The following TFAP2E variants were observed in gnomAD, a reference collection of about 807,000 sequenced individuals.
The protein encoded by TFAP2E is transcription factor AP-2-epsilon.
Under a neutral mutation model 37.9 loss-of-function variants are expected in TFAP2E, and 30 were observed. The ratio of observed to expected loss-of-function variants is 0.79; its 90% CI spans 0.59 to 1.07. TFAP2E has a LOEUF of 1.07. Ranked by LOEUF, TFAP2E falls within the 50% of genes least tolerant of loss-of-function variation. TFAP2E has a pLI of 0.00. For synonymous variants in TFAP2E, 318 were observed against 295.8 expected (o/e 1.08, Z -0.77); for missense variants, 567 against 637.9 (o/e 0.89, Z 1.20).
rs1271995511 is a variant in TFAP2E, at chr1:35,577,623, G to A, written c.562+2623G>A. The A allele has an allele frequency of 1.5e-5, 5 of 343,870 alleles. No homozygotes were observed. The highest frequency in any genetic ancestry group is 2.3e-5 in the Non-Finnish European group (4 of 170,424). The allele number at this position is 343,870 out of a possible 1,614,324, so 21.3% of individuals were successfully genotyped here. On this transcript the variant is annotated intron_variant, in intron 3 of 6. Coordinates refer to ENST00000373235, the MANE Select transcript of TFAP2E (RefSeq NM_178548.4). This position sits in a 1 kb window ranked among gnomAD's most constrained non-coding sequence, Gnocchi z 6.3. Reference sequence around the variant, plus strand: ...TTGGTGCGAAAGGGAGGCAGCTGCAGCCTCAGCCCCACCCCAGAAGCGGCC... The same window carrying A: ...TTGGTGCGAAAGGGAGGCAGCTGCAACCTCAGCCCCACCCCAGAAGCGGCC...
Position 35,590,569 on chromosome 1 carries a change from G to A in TFAP2E, c.905-65G>A. The stretch of plus-strand genomic sequence containing the variant: ...GGATACCCCTGACCAGGGGGTCAGA[G>A]GTTCAAAGCTGTGTTCCAGGCGCAG... On this transcript the variant is annotated intron_variant, in intron 5 of 6. Transcript: ENST00000373235. The surrounding 1 kb of genome is among the most constrained non-coding windows in gnomAD (Gnocchi z 6.2). 7.1e-7 allele frequency: 1 copy of A among 1,403,140 alleles called. No individual in the cohort carries two copies. The highest frequency in any genetic ancestry group is 9.4e-7 in the Non-Finnish European group (1 of 1,068,990). 86.9% of individuals were successfully genotyped at this position (1,403,140 alleles called of 1,614,324 possible). A position where few individuals can be genotyped will look rare whatever the true frequency, so the allele number is the denominator to read the frequency against.
intron 3 of TFAP2E, among the ~76,000 whole-genome samples, chr1:35,587,587 G>A (rs1422164875): frequency 1.5e-5 from 2 of 137,266 alleles, no homozygotes; most frequent in African/African-American, 2.9e-5. Context: ...GCGGTGAGCC[G>A]AGATGGTACC....
At chr1:35,585,537 C>CT (rs1649459545) in intron 3 of TFAP2E, among the ~76,000 whole-genome samples, 1 of 152,118 alleles carries the variant, frequency 6.6e-6, no homozygotes, top group Non-Finnish European at 1.5e-5. Flanking sequence ...TGTGACTAGT[C>CT]TGAATTGAGA....
chr1:35,593,593 A>G (rs1649746618), intron 6 of TFAP2E, among the ~76,000 whole-genome samples: 1 of 152,228 alleles, frequency 6.6e-6, no homozygotes, highest in Non-Finnish European at 1.5e-5. Context: ...CCAAATGGAG[A>G]GACCTCTGAG....
At position 35,573,873 on chromosome 1, in the gene TFAP2E, T is replaced by G. The variant is rs1239588018; in HGVS notation, c.28-54T>G. 6 of 1,417,762 alleles carry G rather than the reference T, an allele frequency of 4.2e-6. No individual in the cohort carries two copies. The highest frequency in any genetic ancestry group is 5.5e-6 in the Non-Finnish European group (6 of 1,095,356). 87.8% of individuals were successfully genotyped at this position (1,417,762 alleles called of 1,614,324 possible). ...CGAGCTGAGGAGGATCCTTTCAGGC[T>G]GGGGTCCTTTCAGCTGCCAGTGGGT... On this transcript the variant is annotated intron_variant, in intron 1 of 6. Coordinates refer to ENST00000373235, the MANE Select transcript of TFAP2E (RefSeq NM_178548.4). This position sits in a 1 kb window ranked among gnomAD's most constrained non-coding sequence, Gnocchi z 5.9.
rs1371860208 is a variant in TFAP2E at position 35,595,324 on chromosome 1, T to C, written c.*648T>C. The C allele has an allele frequency of 1.3e-5, 2 of 152,542 alleles. No individual in the cohort carries two copies. Among genetic ancestry groups the C allele is most frequent in the Non-Finnish European group, 2.9e-5 (2 of 68,322 alleles). 9.4% of individuals were successfully genotyped at this position (152,542 alleles called of 1,614,324 possible). A position where few individuals can be genotyped will look rare whatever the true frequency, so the allele number is the denominator to read the frequency against. ...TATGTTGTAATTAAATTTGAAATTTTAAAATGTCCAGTGCAACTTATTTAT... is the reference window on the plus strand; with the variant it reads ...TATGTTGTAATTAAATTTGAAATTTCAAAATGTCCAGTGCAACTTATTTAT... On this transcript the variant is annotated 3_prime_UTR_variant, in exon 7 of 7. Coordinates refer to ENST00000373235, the MANE Select transcript of TFAP2E (RefSeq NM_178548.4).
chr1:35,591,775 C>T (rs1211031692), intron 6 of TFAP2E, among the ~76,000 whole-genome samples: 1 of 152,218 alleles, frequency 6.6e-6, no homozygotes, highest in Non-Finnish European at 1.5e-5. Flanking sequence ...CAACCTCCAC[C>T]TCCTGGGTTC....
chr1:35,581,266 T>A (rs1344333397), intron 3 of TFAP2E, among the ~76,000 whole-genome samples: 3 of 152,226 alleles, frequency 2.0e-5, no homozygotes, highest in Admixed American at 6.5e-5. Flanking sequence ...AGTATGCCAT[T>A]GTACGGGTGT....
chr1:35,586,736 G>A (rs903424462), intron 3 of TFAP2E, among the ~76,000 whole-genome samples: 6 of 152,160 alleles, frequency 3.9e-5, no homozygotes, highest in African/African-American at 1.4e-4. Context: ...GTATCACAGA[G>A]GTTTCTGGCT....
At position 35,590,647 on chromosome 1, in the gene TFAP2E, C is replaced by T; in HGVS notation, c.918C>T (p.His306=). 1 of 1,517,334 alleles carries T rather than the reference C, an allele frequency of 6.6e-7. No homozygotes were observed. Among genetic ancestry groups the T allele is most frequent in the Non-Finnish European group, 8.9e-7 (1 of 1,120,812 alleles). The allele number at this position is 1,517,334 out of a possible 1,614,324, so 94.0% of individuals were successfully genotyped here. A position where few individuals can be genotyped will look rare whatever the true frequency, so the allele number is the denominator to read the frequency against. Residue 306 remains histidine (H), a synonymous_variant, in exon 6 of 7, where the codon CAC becomes CAT. Transcript: ENST00000373235. This position sits in a 1 kb window ranked among gnomAD's most constrained non-coding sequence, Gnocchi z 6.2. ...LTSLVEGEAV[H]LARDFGYVCE... ...CCCTCCCCCCAGGAGAGGCCGTGCA[C>T]CTGGCCCGAGACTTCGGTTACGTCT...
chr1:35,591,419 G>A (rs1436420445), intron 6 of TFAP2E, among the ~76,000 whole-genome samples: 1 of 152,058 alleles, frequency 6.6e-6, no homozygotes, highest in Non-Finnish European at 1.5e-5. Flanking sequence ...CTCCAGTGAC[G>A]TCCATCAGGC....
chr1:35,594,773 A>AG lies in TFAP2E; in HGVS notation c.*98dup. ...TGGAAGGACTGAAAGGTGGGATTAG[A>AG]GTCAGGCCAGAAAGAGAACATTCAT... On this transcript the variant is annotated 3_prime_UTR_variant, in exon 7 of 7. Coordinates refer to ENST00000373235, the MANE Select transcript of TFAP2E (RefSeq NM_178548.4). 6.5e-7 allele frequency: 1 copy of AG among 1,545,576 alleles called. No homozygotes were observed. Among genetic ancestry groups the AG allele is most frequent in the Non-Finnish European group, 8.7e-7 (1 of 1,145,350 alleles).
At chr1:35,589,170 C>G (rs1278450953) in intron 4 of TFAP2E, among the ~76,000 whole-genome samples, 3 of 145,786 alleles carry the variant, frequency 2.1e-5, no homozygotes, top group Non-Finnish European at 1.5e-5. Flanking sequence ...GGATGTGTGG[C>G]CTAGGGTGTG....
chr1:35,582,729 A>G (rs1413188081), intron 3 of TFAP2E, among the ~76,000 whole-genome samples: 2 of 151,812 alleles, frequency 1.3e-5, no homozygotes, highest in Non-Finnish European at 2.9e-5. Flanking sequence ...GCAAGATCAT[A>G]GCACACTGCA....
In TFAP2E at chr1:35,577,307, C is replaced by T. The variant is rs1344875177; in HGVS notation, c.562+2307C>T. ...CCTCCCCACACCTGCCCTCGGCGCC[C>T]CCAGCAGTTTTCACCTTGGCCCTCC... On this transcript the variant is annotated intron_variant, in intron 3 of 6. Transcript: ENST00000373235. The surrounding 1 kb of genome is among the most constrained non-coding windows in gnomAD (Gnocchi z 6.3). The T allele has an allele frequency of 6.6e-6, 3 of 452,148 alleles. No individual in the cohort carries two copies. The highest frequency in any genetic ancestry group is 6.0e-5 in the African/African-American group (3 of 50,032). 28.0% of individuals were successfully genotyped at this position (452,148 alleles called of 1,614,324 possible). A position where few individuals can be genotyped will look rare whatever the true frequency, so the allele number is the denominator to read the frequency against.
chr1:35,575,095 C>T (rs1649132321), intron 3 of TFAP2E, 95 bp downstream of exon 3: 7 of 1,509,658 alleles, frequency 4.6e-6, no homozygotes, highest in Middle Eastern at 3.4e-4. Flanking sequence ...TCCTGTGTGT[C>T]GCCAGGCTGG....
Position 35,590,125 on chromosome 1 carries a change from A to G in TFAP2E, c.904+77A>G. ...TGTCTGGTGTGACTGTCTCTAATGC[A>G]GGAGGGTGTGTTTAGTGGTGTGTGT... On this transcript the variant is annotated intron_variant, in intron 5 of 6. Coordinates refer to ENST00000373235, the MANE Select transcript of TFAP2E (RefSeq NM_178548.4). This position sits in a 1 kb window ranked among gnomAD's most constrained non-coding sequence, Gnocchi z 6.2. 2.2e-6 allele frequency: 3 copies of G among 1,373,738 alleles called. No individual in the cohort carries two copies. The African/African-American group carries it at 4.3e-5, about 20-fold the overall frequency. 85.1% of individuals were successfully genotyped at this position (1,373,738 alleles called of 1,614,324 possible). A position where few individuals can be genotyped will look rare whatever the true frequency, so the allele number is the denominator to read the frequency against.
Position 35,573,392 on chromosome 1 carries a change from TG to T in TFAP2E, c.-184del. 1 of 711,164 alleles carries T rather than the reference TG, an allele frequency of 1.4e-6. No homozygotes were observed. The highest frequency in any genetic ancestry group is 2.9e-5 in the South Asian group (1 of 34,978). The allele number at this position is 711,164 out of a possible 1,614,324, so 44.1% of individuals were successfully genotyped here. A position where few individuals can be genotyped will look rare whatever the true frequency, so the allele number is the denominator to read the frequency against. ...TCAGTGCCCGTCCGTCCTGCCTCCA[TG>T]GACCCGCCCGGGAACGGCCACCGCT... On this transcript the variant is annotated 5_prime_UTR_variant, in exon 1 of 7. It removes the in-frame stop codon of an upstream open reading frame in the 5' UTR. Coordinates refer to ENST00000373235, the MANE Select transcript of TFAP2E (RefSeq NM_178548.4). This position sits in a 1 kb window ranked among gnomAD's most constrained non-coding sequence, Gnocchi z 5.9.
At chr1:35,589,583 C>T (rs920332675) in intron 4 of TFAP2E, among the ~76,000 whole-genome samples, 4 of 151,824 alleles carry the variant, frequency 2.6e-5, no homozygotes, top group Admixed American at 1.3e-4. Flanking sequence ...TATGTCACTG[C>T]GTGTCTCTAC....
Sources: allele counts gnomAD v4.1 joint callset (sites outside exome capture counted in the v4.1 genomes callset), GRCh38; gene constraint gnomAD v4.1.1; non-coding constraint Gnocchi (gnomAD v3.1); transcripts MANE v1.5; gene names NCBI Gene and HGNC (gene_info 2026-07-23, HGNC 2026-07-21).